Variants in SH2D4A observed in about 807,000 individuals in gnomAD.
The protein encoded by SH2D4A is SH2 domain-containing protein 4A.
A neutral mutation model predicts 64.7 loss-of-function variants in SH2D4A; 70 were observed. The observed-to-expected ratio is 1.08, with a 90% confidence interval of 0.89 to 1.32. The LOEUF is 1.32. Among genes scored for constraint, SH2D4A ranks in the 40% most tolerant of loss-of-function variants. The pLI is 0.00. For synonymous variants in SH2D4A, 268 were observed against 200.7 expected (o/e 1.34, Z -2.83); for missense variants, 706 against 540.1 (o/e 1.31, Z -3.04).
intron 7 of SH2D4A, among the ~76,000 whole-genome samples, chr8:19,367,165 A>G (rs544997230): frequency 6.6e-6 from 1 of 152,276 alleles, no homozygotes; most frequent in Admixed American, 6.5e-5. Flanking sequence ...TTGGACAACT[A>G]GGTTGATTCC....
At chr8:19,389,611 G>A (rs2053452615) in intron 8 of SH2D4A, among the ~76,000 whole-genome samples, 2 of 152,096 alleles carry the variant, frequency 1.3e-5, no homozygotes, top group African/African-American at 4.8e-5. Context: ...CTACTTTCTT[G>A]TGGGCTGCCA....
intron 7 of SH2D4A, among the ~76,000 whole-genome samples, chr8:19,365,722 T>G (rs939722203): frequency 6.6e-6 from 1 of 152,172 alleles, no homozygotes; most frequent in Non-Finnish European, 1.5e-5. Context: ...AAGTGCTTTT[T>G]GTGAGTCAGA....
intron 4 of SH2D4A, among the ~76,000 whole-genome samples, chr8:19,340,063 G>T (rs2052503873): frequency 6.6e-6 from 1 of 152,140 alleles, no homozygotes; most frequent in Non-Finnish European, 1.5e-5. Context: ...TTAGCACTGG[G>T]GCAGCTCCGA....
chr8:19,333,040 C>G lies in SH2D4A; in HGVS notation c.267C>G (p.Pro89=). The change falls in exon 3 of 10, where the codon CCC becomes CCG. Residue 89 remains proline, a synonymous_variant. Transcript: ENST00000265807. ...WVMGEHHLDK[P]YDVLCNEIIA... is the part of the protein sequence containing the mutation. ...TGGGCGAACACCATCTAGATAAACC[C>G]TATGATGTGCTCTGTAATGAAATTA... 1 of 1,614,016 alleles carries G rather than the reference C, an allele frequency of 6.2e-7. No homozygotes were observed. Among genetic ancestry groups the G allele is most frequent in the South Asian group, 1.1e-5 (1 of 91,068 alleles).
chr8:19,351,779 C>A (rs991835183), intron 4 of SH2D4A, among the ~76,000 whole-genome samples: 5 of 151,912 alleles, frequency 3.3e-5, no homozygotes, highest in African/African-American at 1.2e-4. Context: ...ACTGTACAAC[C>A]CTACCATTAT....
chr8:19,367,080 C>G (rs917409760), intron 7 of SH2D4A, among the ~76,000 whole-genome samples: 5 of 151,148 alleles, frequency 3.3e-5, no homozygotes, highest in African/African-American at 1.2e-4. Context: ...TTGCAAATGA[C>G]AGGATATTAT....
chr8:19,318,518 T>C (rs2117168415), intron 1 of SH2D4A, among the ~76,000 whole-genome samples: 1 of 152,340 alleles, frequency 6.6e-6, no homozygotes, highest in East Asian at 1.9e-4. Flanking sequence ...TCTCGCTTTA[T>C]GGTTTCTCTT....
intron 8 of SH2D4A, among the ~76,000 whole-genome samples, chr8:19,389,105 T>C (rs2075575858): frequency 6.6e-6 from 1 of 152,178 alleles, no homozygotes; most frequent in Admixed American, 6.5e-5. Flanking sequence ...TCAGGACACG[T>C]CATGTTCTGG....
intron 1 of SH2D4A, among the ~76,000 whole-genome samples, chr8:19,316,044 G>A (rs2052081969): frequency 1.3e-5 from 2 of 152,170 alleles, no homozygotes; most frequent in African/African-American, 4.8e-5. Context: ...TGTCTTGGGT[G>A]TACTGTGCTG....
chr8:19,362,363 T>C (rs968132378), intron 6 of SH2D4A, among the ~76,000 whole-genome samples: 1 of 152,222 alleles, frequency 6.6e-6, no homozygotes, highest in African/African-American at 2.4e-5. Context: ...ACATTCTGCA[T>C]TTGAGTCTCA....
At chr8:19,353,733 C>G (rs975676527) in intron 4 of SH2D4A, among the ~76,000 whole-genome samples, 2 of 135,766 alleles carry the variant, frequency 1.5e-5, no homozygotes, top group African/African-American at 2.8e-5. Context: ...CATTTTCACT[C>G]TATTACTTGT....
intron 9 of SH2D4A, among the ~76,000 whole-genome samples, chr8:19,393,868 C>T (rs1362143579): frequency 6.6e-6 from 1 of 152,184 alleles, no homozygotes; most frequent in Non-Finnish European, 1.5e-5. Flanking sequence ...TCCTGGATGA[C>T]AATTTCTCCA....
At chr8:19,316,828 C>T (rs1252483063) in intron 1 of SH2D4A, among the ~76,000 whole-genome samples, 1 of 152,208 alleles carries the variant, frequency 6.6e-6, no homozygotes, top group African/African-American at 2.4e-5. Context: ...CTGACCTGTG[C>T]TCTATCTTCC....
chr8:19,364,709 C>A (rs1349209047), intron 7 of SH2D4A, among the ~76,000 whole-genome samples: 1 of 152,156 alleles, frequency 6.6e-6, no homozygotes, highest in African/African-American at 2.4e-5. Flanking sequence ...CAAAGGCTTG[C>A]TGACTTTCGT....
chr8:19,394,623 A>G lies in SH2D4A; in HGVS notation c.1346A>G (p.Tyr449Cys). ...GGTCAGCAGGACCAGCTGCCTGACTACCTGGAGCTGTTTGAGTGACAGCCT... is the reference window on the plus strand; with the variant it reads ...GGTCAGCAGGACCAGCTGCCTGACTGCCTGGAGCTGTTTGAGTGACAGCCT... ...PCGQQDQLPDYLELFE is the reference protein window; with the variant it reads ...PCGQQDQLPDCLELFE The change falls in exon 10 of 10, where the codon TAC becomes TGC. Residue 449 changes from tyrosine (Y) to cysteine (C), a missense_variant. Physicochemically the swap from Tyr to Cys is radical, Grantham distance 194. Transcript: ENST00000265807. 1 of 1,608,862 alleles carries G rather than the reference A, an allele frequency of 6.2e-7. No homozygotes were observed. Among genetic ancestry groups the G allele is most frequent in the Non-Finnish European group, 8.5e-7 (1 of 1,176,534 alleles).
At chr8:19,387,628 C>T (rs1474545888) in intron 8 of SH2D4A, among the ~76,000 whole-genome samples, 3 of 152,234 alleles carry the variant, frequency 2.0e-5, no homozygotes, top group Admixed American at 2.0e-4. Flanking sequence ...TGCCTGACTT[C>T]TTTATGCCAA....
At chr8:19,384,876 G>C (rs911813007) in intron 8 of SH2D4A, among the ~76,000 whole-genome samples, 1 of 152,200 alleles carries the variant, frequency 6.6e-6, no homozygotes, top group Non-Finnish European at 1.5e-5. Context: ...AACTGGCAGG[G>C]ACTGGGAGTG....
At chr8:19,333,517 T>C (rs1412325526) in intron 3 of SH2D4A, among the ~76,000 whole-genome samples, 1 of 151,946 alleles carries the variant, frequency 6.6e-6, no homozygotes, top group Non-Finnish European at 1.5e-5. Context: ...GGAACATATG[T>C]GAGAAATGCA....
intron 7 of SH2D4A, among the ~76,000 whole-genome samples, chr8:19,365,426 T>C (rs1412223040): frequency 1.3e-5 from 2 of 152,166 alleles, no homozygotes; most frequent in African/African-American, 2.4e-5. Context: ...TAGGAGTCTC[T>C]TAATTGTGAG....
Sources: gnomAD v4.1 joint callset for allele counts (sites outside exome capture counted in the v4.1 genomes callset) on GRCh38, gnomAD v4.1.1 for gene constraint, MANE v1.5 for transcripts, NCBI Gene and HGNC (gene_info 2026-07-23, HGNC 2026-07-21) for gene names.